RUNX1: variants seen among roughly 807,000 people sequenced by gnomAD.
RUNX1 encodes RUNX family transcription factor 1.
RUNX1 carries 19 observed loss-of-function variants against 42.8 expected under a neutral mutation model. That is an observed-to-expected ratio of 0.44 (90% confidence interval 0.31 to 0.65). The LOEUF is 0.65. RUNX1 is among the 30% of genes least tolerant of loss of function. The pLI, the probability that RUNX1 is intolerant of heterozygous loss-of-function variation, is 0.07. For missense variants in RUNX1, 528 were observed against 672.0 expected, an observed-to-expected ratio of 0.79 and a Z score of 2.37; for synonymous variants, 271 against 289.4, an observed-to-expected ratio of 0.94 and a Z score of 0.64.
intron 2 of RUNX1, among the ~76,000 whole-genome samples, chr21:35,007,392 C>A (rs1008585021): frequency 6.6e-6 from 1 of 152,112 alleles, no homozygotes; most frequent in Non-Finnish European, 1.5e-5. Context: ...TCTCCCCCAG[C>A]CCCACCCCAG....
At chr21:34,923,818 T>C (rs2058372494) in intron 2 of RUNX1, among the ~76,000 whole-genome samples, 1 of 115,380 alleles carries the variant, frequency 8.7e-6, no homozygotes, top group Admixed American at 8.5e-5. Context: ...GGAGTTTACT[T>C]AGTAGATCTC....
chr21:34,897,850 G>T (rs778509564), intron 2 of RUNX1, among the ~76,000 whole-genome samples: 1 of 152,120 alleles, frequency 6.6e-6, no homozygotes, highest in Admixed American at 6.5e-5. Flanking sequence ...GTCATGCTCT[G>T]GTTATGTTAC....
intron 5 of RUNX1, among the ~76,000 whole-genome samples, chr21:34,864,972 C>T (rs1250453417): frequency 2.0e-5 from 3 of 152,156 alleles, no homozygotes; most frequent in Non-Finnish European, 4.4e-5. Context: ...AGGTTCAAAA[C>T]CTCGCTCTGC....
chr21:34,840,271 G>A (rs1015958862), intron 6 of RUNX1, among the ~76,000 whole-genome samples: 1 of 152,174 alleles, frequency 6.6e-6, no homozygotes, highest in African/African-American at 2.4e-5. Flanking sequence ...CCACAGGACC[G>A]GGTGTTAATG....
intron 2 of RUNX1, among the ~76,000 whole-genome samples, chr21:34,908,578 G>A (rs527724780): frequency 4.6e-5 from 7 of 152,130 alleles, no homozygotes; most frequent in Non-Finnish European, 8.8e-5. Flanking sequence ...TTGTGGACAG[G>A]GGGGTCGGGG....
chr21:34,834,694 GCTTTT>G (rs2057117998), intron 6 of RUNX1, 93 bp from the exon 7 acceptor site: 1 of 1,154,172 alleles, frequency 8.7e-7, no homozygotes, highest in Non-Finnish European at 1.2e-6. Context: ...TAAAACTGGG[GCTTTT>G]CTTGTCTTTC....
At chr21:34,987,609 C>G (rs1011093852) in intron 2 of RUNX1, among the ~76,000 whole-genome samples, 2 of 152,096 alleles carry the variant, frequency 1.3e-5, no homozygotes, top group African/African-American at 4.8e-5. Context: ...TGGTTGAGAT[C>G]TTTATGGTTA....
At chr21:34,876,922 C>T (rs2057822564) in intron 5 of RUNX1, among the ~76,000 whole-genome samples, 2 of 152,180 alleles carry the variant, frequency 1.3e-5, no homozygotes, top group Non-Finnish European at 2.9e-5. Context: ...AGTGGCGCAA[C>T]CTCGGCTCAC....
At chr21:34,889,144 T>C (rs2058043504) in intron 3 of RUNX1, among the ~76,000 whole-genome samples, 1 of 770 alleles carries the variant, frequency 1.3e-3, no homozygotes, top group Admixed American at 0.013. Context: ...GCCACGAGGC[T>C]CCCGAACCGG....
chr21:34,819,509 C>T (rs980514748), intron 7 of RUNX1, among the ~76,000 whole-genome samples: 1 of 152,248 alleles, frequency 6.6e-6, no homozygotes, highest in Non-Finnish European at 1.5e-5. Flanking sequence ...ATGCGGGAGC[C>T]CCCACTCTGG....
intron 2 of RUNX1, among the ~76,000 whole-genome samples, chr21:34,993,357 G>A (rs780045461): frequency 9.2e-5 from 14 of 152,116 alleles, no homozygotes; most frequent in African/African-American, 1.7e-4. Context: ...AGAGAAAAAA[G>A]CAGTTCTAGG....
At chr21:34,806,401 A>G (rs892103043) in intron 7 of RUNX1, among the ~76,000 whole-genome samples, 5 of 152,236 alleles carry the variant, frequency 3.3e-5, no homozygotes, top group African/African-American at 9.6e-5. Context: ...AGGGAATTAC[A>G]TGATGATAAT....
intron 3 of RUNX1, chr21:34,887,380 G>A: frequency 7.1e-7 from 1 of 1,414,148 alleles, no homozygotes; most frequent in Non-Finnish European, 9.2e-7. Context: ...GCATTAAAAA[G>A]TGGAGACTAT....
intron 2 of RUNX1, among the ~76,000 whole-genome samples, chr21:34,973,311 A>T (rs113776929): frequency 6.6e-6 from 1 of 152,222 alleles, no homozygotes; most frequent in Non-Finnish European, 1.5e-5. Flanking sequence ...TTATCATGCC[A>T]AGGACAAATT....
chr21:34,794,870 C>G (rs888979297), intron 8 of RUNX1, among the ~76,000 whole-genome samples: 1 of 152,120 alleles, frequency 6.6e-6, no homozygotes, highest in Non-Finnish European at 1.5e-5. Flanking sequence ...TAGCATCGCC[C>G]GCCCCTCTTG....
chr21:34,894,700 C>T (rs1187168329), intron 2 of RUNX1, among the ~76,000 whole-genome samples: 1 of 152,122 alleles, frequency 6.6e-6, no homozygotes, highest in East Asian at 1.9e-4. Flanking sequence ...CTCTCTCTTC[C>T]CTACATCCCC....
chr21:34,923,929 C>T (rs1200991822), intron 2 of RUNX1, among the ~76,000 whole-genome samples: 1 of 152,204 alleles, frequency 6.6e-6, no homozygotes, highest in East Asian at 1.9e-4. Flanking sequence ...TGAAAGCCTT[C>T]TATAGTCCCC....
intron 3 of RUNX1, among the ~76,000 whole-genome samples, chr21:34,890,659 C>T (rs1279538619): frequency 6.6e-6 from 1 of 152,204 alleles, no homozygotes; most frequent in African/African-American, 2.4e-5. Context: ...CCTGGGGTCT[C>T]GGAAAGAAAA....
chr21:34,890,119 G>A (rs552662838), intron 3 of RUNX1, among the ~76,000 whole-genome samples: 5 of 152,172 alleles, frequency 3.3e-5, no homozygotes, highest in Non-Finnish European at 7.4e-5. Context: ...CGCAGGAGGG[G>A]GCCGGGGTTG....
Sources: allele counts gnomAD v4.1 joint callset (sites outside exome capture counted in the v4.1 genomes callset), GRCh38; gene constraint gnomAD v4.1.1; transcripts MANE v1.5; gene names NCBI Gene and HGNC (gene_info 2026-07-23, HGNC 2026-07-21).